TCP11L2: variants seen among roughly 807,000 people sequenced by gnomAD.
TCP11L2 encodes t-complex 11 like 2.
In TCP11L2, 39 loss-of-function variants were observed where a neutral mutation model predicts 50.7. That is an observed-to-expected ratio of 0.77 (90% CI 0.60 to 1.01). The LOEUF is 1.01. Among genes scored for constraint, TCP11L2 ranks in the 50% least tolerant of loss-of-function variants. The probability of loss-of-function intolerance (pLI) is 0.00; values close to 1 mark genes in which losing one functional copy is unlikely to be tolerated. For synonymous variants in TCP11L2, 192 were observed against 219.3 expected (o/e 0.88, Z 1.10); for missense variants, 612 against 614.7 (o/e 1.00, Z 0.05).
chr12:106,302,702 GC>G (rs1255183763), upstream of TCP11L2: 3 of 152,140 alleles, frequency 2.0e-5, no homozygotes, highest in African/African-American at 7.3e-5. Context: ...GGATCCCCTT[GC>G]CCCGTCGCGC....
chr12:106,311,061 C>A lies in TCP11L2; in HGVS notation c.-15C>A. 1.2e-6 allele frequency: 2 copies of A among 1,613,480 alleles called. No individual in the cohort carries two copies. The highest frequency in any genetic ancestry group is 1.7e-6 in the Non-Finnish European group (2 of 1,179,624). ...TGCAGGTGCTACCTTTTTACCCACA[C>A]TTAAGTGACGCAAAATGCCCTTCAA... On this transcript the variant is annotated 5_prime_UTR_variant, in exon 2 of 10. Coordinates refer to ENST00000299045, the MANE Select transcript of TCP11L2 (RefSeq NM_152772.3).
rs1281457649 is a variant in TCP11L2, at chr12:106,346,495, A to T, written c.1525A>T (p.Met509Leu). The change falls in exon 10 of 10, where the codon ATG (methionine) becomes TTG (leucine). Residue 509 changes from methionine (M) to leucine (L), a missense_variant. Transcript: ENST00000299045. ...LRKLLFNEEA[M>L]GKVDASPPTN ...AAAGCTGCTCTTCAATGAGGAAGCC[A>T]TGGGGAAGGTAGATGCTTCACCTCC... The T allele has an allele frequency of 6.2e-7, 1 of 1,614,094 alleles. No homozygotes were observed.
chr12:106,310,012 C>T (rs1403637589), intron 1 of TCP11L2, among the ~76,000 whole-genome samples: 5 of 152,058 alleles, frequency 3.3e-5, no homozygotes, highest in Admixed American at 1.3e-4. Flanking sequence ...TCCTTGAGCC[C>T]GGGTTTCCCC....
At chr12:106,303,967 A>G (rs2034526564) in intron 1 of TCP11L2, 1 of 152,228 alleles carries the variant, frequency 6.6e-6, no homozygotes, top group Non-Finnish European at 1.5e-5. Flanking sequence ...TGGGTGTCTC[A>G]GCACCCATGG....
At chr12:106,337,685 T>A (rs1240377287) in intron 8 of TCP11L2, among the ~76,000 whole-genome samples, 3 of 152,234 alleles carry the variant, frequency 2.0e-5, no homozygotes, top group Non-Finnish European at 4.4e-5. Flanking sequence ...CACTTGAATA[T>A]GTTCTCAAAT....
intron 8 of TCP11L2, among the ~76,000 whole-genome samples, chr12:106,337,359 C>T (rs2035954078): frequency 6.6e-6 from 1 of 152,166 alleles, no homozygotes; most frequent in Admixed American, 6.5e-5. Flanking sequence ...TTGCCTTGGG[C>T]TGCAAACAGA....
chr12:106,307,286 C>T (rs548079206), intron 1 of TCP11L2: 1 of 152,134 alleles, frequency 6.6e-6, no homozygotes, highest in Admixed American at 6.5e-5. Context: ...GAATAGTGAC[C>T]TGCTATCGTG....
intron 6 of TCP11L2, chr12:106,329,486 T>G (rs2136761479): frequency 6.6e-7 from 1 of 1,512,098 alleles, no homozygotes; most frequent in East Asian, 2.5e-5. Context: ...GCTTTACCGG[T>G]CATTCTCAAG....
chr12:106,302,647 AG>A (rs1004223422), upstream of TCP11L2, among the ~76,000 whole-genome samples: 2 of 151,660 alleles, frequency 1.3e-5, no homozygotes, highest in African/African-American at 2.4e-5. Context: ...TTTCTCTAAT[AG>A]GTTCAGTCTG....
rs994407257 is a variant in TCP11L2 at position 106,340,059 on chromosome 12, G to A, written c.1143-767G>A. Among the ~76,000 whole-genome samples, 7 of 152,162 alleles carry A rather than the reference G, an allele frequency of 4.6e-5. No homozygotes were observed. In the South Asian group the frequency reaches 8.3e-4, roughly 18 times the overall value. On this transcript the variant is annotated intron_variant, in intron 8 of 9. Coordinates refer to ENST00000299045, the MANE Select transcript of TCP11L2 (RefSeq NM_152772.3). Reference sequence around the variant, plus strand: ...CATAGCTTATGTTCCAACTCGCTCCGTTATACTGCTTCCTATCATTGAGCC... The same window carrying A: ...CATAGCTTATGTTCCAACTCGCTCCATTATACTGCTTCCTATCATTGAGCC...
chr12:106,319,935 G>A (rs996405167), intron 4 of TCP11L2, among the ~76,000 whole-genome samples: 13 of 152,232 alleles, frequency 8.5e-5, no homozygotes, highest in East Asian at 1.9e-4. Context: ...ATACTTAATC[G>A]ACCCCATGGG....
intron 2 of TCP11L2, 144 bp from the exon 3 acceptor site, chr12:106,314,214 C>G (rs1392845937): frequency 1.5e-6 from 1 of 685,170 alleles, no homozygotes; most frequent in Non-Finnish European, 2.2e-6. Flanking sequence ...TGAGGGAATT[C>G]ACCTATTTTA....
chr12:106,298,294 AT>A (rs1174828402), upstream of TCP11L2, among the ~76,000 whole-genome samples: 1 of 152,106 alleles, frequency 6.6e-6, no homozygotes, highest in African/African-American at 2.4e-5. Flanking sequence ...AATAGACCTT[AT>A]TTTTAGAGCT....
At chr12:106,301,282 T>TAA (rs2034407621), upstream of TCP11L2, among the ~76,000 whole-genome samples, 1 of 152,228 alleles carries the variant, frequency 6.6e-6, no homozygotes, top group Non-Finnish European at 1.5e-5. Context: ...GAGGCACAGA[T>TAA]ACAAATTTAT....
At chr12:106,306,719 C>G (rs766870158) in intron 1 of TCP11L2, among the ~76,000 whole-genome samples, 2 of 152,144 alleles carry the variant, frequency 1.3e-5, no homozygotes, top group Non-Finnish European at 2.9e-5. Flanking sequence ...TTACTAGGAG[C>G]TTAAGTACTT....
At chr12:106,312,496 T>TTGCATCTGAC (rs2034900474) in intron 2 of TCP11L2, 1 of 948,066 alleles carries the variant, frequency 1.1e-6, no homozygotes, top group African/African-American at 1.8e-5. Context: ...GACACCAGGG[T>TTGCATCTGAC]ACCTAGGCAT....
chr12:106,327,748 T>A (rs1328165993), intron 6 of TCP11L2, among the ~76,000 whole-genome samples: 1 of 152,224 alleles, frequency 6.6e-6, no homozygotes, highest in African/African-American at 2.4e-5. Flanking sequence ...TACACATGAT[T>A]ATATAAGAAT....
chr12:106,302,678 G>A (rs895481025), upstream of TCP11L2: 1 of 152,104 alleles, frequency 6.6e-6, no homozygotes, highest in African/African-American at 2.4e-5. Flanking sequence ...GGCTTTCGGA[G>A]ACTGAAGGGC....
chr12:106,326,376 A>T (rs1222283745), intron 6 of TCP11L2, among the ~76,000 whole-genome samples: 2 of 152,094 alleles, frequency 1.3e-5, no homozygotes, highest in African/African-American at 4.8e-5. Flanking sequence ...GTTGACAGCA[A>T]CTCAGAGACT....
Sources: allele counts gnomAD v4.1 joint callset (sites outside exome capture counted in the v4.1 genomes callset), GRCh38; gene constraint gnomAD v4.1.1; transcripts MANE v1.5; gene names NCBI Gene and HGNC (gene_info 2026-07-23, HGNC 2026-07-21).